The following DSCAM variants were observed in gnomAD, a reference collection of about 807,000 sequenced individuals.
DSCAM encodes cell adhesion molecule DSCAM.
A neutral mutation model predicts 217.7 loss-of-function variants in DSCAM; 47 were observed. The ratio of observed to expected loss-of-function variants is 0.22; its 90% CI spans 0.17 to 0.28. The LOEUF (loss-of-function observed/expected upper bound fraction) is 0.28. DSCAM is among the 10% of genes least tolerant of loss of function. DSCAM has a pLI of 1.00. For synonymous variants in DSCAM, 1,056 were observed against 1,015.3 expected (o/e 1.04, Z -0.76); for missense variants, 2,080 against 2,618.3 (o/e 0.79, Z 4.49).
intron 3 of DSCAM, among the ~76,000 whole-genome samples, chr21:40,467,417 A>G (rs547498676): frequency 6.6e-6 from 1 of 152,246 alleles, no homozygotes; most frequent in South Asian, 2.1e-4. Flanking sequence ...ATATCTGCAG[A>G]AGTTTTCAAA....
At chr21:40,014,247 C>T (rs2088115915) in intron 32 of DSCAM, among the ~76,000 whole-genome samples, 1 of 152,124 alleles carries the variant, frequency 6.6e-6, no homozygotes, top group African/African-American at 2.4e-5. Context: ...AAAAACTAGC[C>T]AAGCATGATG....
At chr21:40,352,787 C>T (rs1283651666) in intron 5 of DSCAM, among the ~76,000 whole-genome samples, 1 of 152,154 alleles carries the variant, frequency 6.6e-6, no homozygotes, top group East Asian at 1.9e-4. Flanking sequence ...TCTGCAAGAG[C>T]AAAATTGAGG....
chr21:40,362,509 C>T (rs1386931293), intron 4 of DSCAM, among the ~76,000 whole-genome samples: 2 of 152,160 alleles, frequency 1.3e-5, no homozygotes, highest in Non-Finnish European at 2.9e-5. Flanking sequence ...TAGTGACACT[C>T]AATTGTTCAG....
chr21:40,634,305 G>A (rs746429607), intron 3 of DSCAM, among the ~76,000 whole-genome samples: 2 of 152,156 alleles, frequency 1.3e-5, no homozygotes, highest in African/African-American at 4.8e-5. Context: ...TGGTGGCAGC[G>A]GTTGGCAGTA....
intron 3 of DSCAM, among the ~76,000 whole-genome samples, chr21:40,386,949 A>G (rs188227016): frequency 2.6e-5 from 4 of 152,276 alleles, no homozygotes; most frequent in Admixed American, 2.6e-4. Context: ...ATGTCAGATT[A>G]CATTATTTGG....
intron 11 of DSCAM, among the ~76,000 whole-genome samples, chr21:40,205,355 C>G (rs2091112911): frequency 6.6e-6 from 1 of 152,192 alleles, no homozygotes; most frequent in Non-Finnish European, 1.5e-5. Context: ...GTAATCCCAG[C>G]ACTTTGGGAG....
At chr21:40,748,162 A>C (rs977054311) in intron 1 of DSCAM, among the ~76,000 whole-genome samples, 6 of 152,036 alleles carry the variant, frequency 3.9e-5, no homozygotes, top group Non-Finnish European at 8.8e-5. Flanking sequence ...GAACAAGACA[A>C]AAATGCCCAC....
intron 3 of DSCAM, among the ~76,000 whole-genome samples, chr21:40,429,880 A>G (rs1048105639): frequency 6.6e-6 from 1 of 152,226 alleles, no homozygotes; most frequent in Non-Finnish European, 1.5e-5. Context: ...AAATATAATA[A>G]GACATGACCT....
At chr21:40,620,129 GAGAGAA>G (rs1297559075) in intron 3 of DSCAM, among the ~76,000 whole-genome samples, 1 of 83,754 alleles carries the variant, frequency 1.2e-5, no homozygotes, top group African/African-American at 5.4e-5. Context: ...AAGAAAGAGA[GAGAGAA>G]AGAGAGAGAA....
intron 32 of DSCAM, among the ~76,000 whole-genome samples, chr21:40,021,793 T>C (rs1447511062): frequency 6.6e-6 from 1 of 152,142 alleles, no homozygotes; most frequent in Non-Finnish European, 1.5e-5. Context: ...TTGCCTCTGG[T>C]CCTGAAATGT....
At chr21:40,715,043 G>A (rs2090826800) in intron 1 of DSCAM, among the ~76,000 whole-genome samples, 1 of 152,074 alleles carries the variant, frequency 6.6e-6, no homozygotes, top group Admixed American at 6.6e-5. Flanking sequence ...TTCCACCTAG[G>A]ATGACCTTCA....
intron 1 of DSCAM, among the ~76,000 whole-genome samples, chr21:40,798,294 TA>T (rs911547106): frequency 4.7e-5 from 7 of 150,146 alleles, no homozygotes; most frequent in Non-Finnish European, 5.9e-5. Context: ...AACCTATCTG[TA>T]AAAAAAAAGA....
chr21:40,421,235 C>T (rs1387370927), intron 3 of DSCAM, among the ~76,000 whole-genome samples: 1 of 152,204 alleles, frequency 6.6e-6, no homozygotes, highest in Non-Finnish European at 1.5e-5. Flanking sequence ...TTCACTCCAC[C>T]ATTCCTCACC....
At chr21:40,394,202 G>A (rs938114247) in intron 3 of DSCAM, among the ~76,000 whole-genome samples, 118 of 152,246 alleles carry the variant, frequency 7.8e-4, no homozygotes, top group African/African-American at 2.7e-3. Flanking sequence ...AAGATGAGGC[G>A]AGATAAAGAT....
intron 3 of DSCAM, among the ~76,000 whole-genome samples, chr21:40,423,019 TTGTCAC>T (rs1455190542): frequency 2.0e-5 from 3 of 152,316 alleles, no homozygotes; most frequent in African/African-American, 7.2e-5. Flanking sequence ...TAAGTACCAT[TTGTCAC>T]TATTAGAGCT....
intron 3 of DSCAM, among the ~76,000 whole-genome samples, chr21:40,469,706 C>T (rs2075872657): frequency 6.6e-6 from 1 of 152,016 alleles, no homozygotes; most frequent in African/African-American, 2.4e-5. Flanking sequence ...TCAATAAATA[C>T]ATGAATAAGA....
intron 6 of DSCAM, among the ~76,000 whole-genome samples, chr21:40,346,978 G>T (rs2074564403): frequency 6.6e-6 from 1 of 152,126 alleles, no homozygotes; most frequent in Non-Finnish European, 1.5e-5. Flanking sequence ...CATACATCTA[G>T]TGGAAAGGGG....
intron 3 of DSCAM, among the ~76,000 whole-genome samples, chr21:40,608,911 G>C (rs567811601): frequency 2.0e-5 from 3 of 152,050 alleles, no homozygotes; most frequent in East Asian, 1.9e-4. Flanking sequence ...AGTTCTTTCT[G>C]GGTAAAGTGT....
chr21:40,444,707 A>G (rs2075660086), intron 3 of DSCAM, among the ~76,000 whole-genome samples: 1 of 152,226 alleles, frequency 6.6e-6, no homozygotes. Flanking sequence ...GAGAACACTG[A>G]GGCCCATGAT....
Sources: gnomAD v4.1 joint callset for allele counts (sites outside exome capture counted in the v4.1 genomes callset) on GRCh38, gnomAD v4.1.1 for gene constraint, MANE v1.5 for transcripts, NCBI Gene and HGNC (gene_info 2026-07-23, HGNC 2026-07-21) for gene names.